Variants in PDE8B observed in about 807,000 individuals in gnomAD.
PDE8B encodes phosphodiesterase 8B, also known as high affinity cAMP-specific and IBMX-insensitive 3',5'-cyclic phosphodiesterase 8B.
In PDE8B, 26 loss-of-function variants were observed where a neutral mutation model predicts 101.3. That is an observed-to-expected ratio of 0.26 (90% CI 0.19 to 0.36). The LOEUF (loss-of-function observed/expected upper bound fraction) is 0.36. PDE8B is among the 10% of genes least tolerant of loss of function. The pLI is 1.00. For synonymous variants in PDE8B, 424 were observed against 429.3 expected, an observed-to-expected ratio of 0.99 and a Z score of 0.15; for missense variants, 810 against 1,163.1, an observed-to-expected ratio of 0.70 and a Z score of 4.42.
At position 77,312,099 on chromosome 5, in the gene PDE8B, T is replaced by C. The variant is rs532912270; in HGVS notation, c.399+46T>C. On this transcript the variant is annotated intron_variant, in intron 2 of 21. Coordinates refer to ENST00000264917, the MANE Select transcript of PDE8B (RefSeq NM_003719.5). The stretch of plus-strand genomic sequence containing the variant: ...CCTGTGACTCAGATTATTTTCTTTT[T>C]TTTTTCTTTTTTTTTTTTTTTTGAG... The C allele has an allele frequency of 1.2e-5, 16 of 1,303,360 alleles. No homozygotes were observed. The South Asian group carries it at 1.7e-4, about 14-fold the overall frequency. The allele number at this position is 1,303,360 out of a possible 1,614,324, so 80.7% of individuals were successfully genotyped here.
At chr5:77,114,630 G>C in the PDE8B span, 1 of 152,104 alleles carries the variant, frequency 6.6e-6, no homozygotes, top group African/African-American at 2.4e-5. Flanking sequence ...CCTGCACGTT[G>C]TGCACATGTA....
At chr5:77,299,238 G>T (rs922290774) in intron 1 of PDE8B, among the ~76,000 whole-genome samples, 1 of 131,726 alleles carries the variant, frequency 7.6e-6, no homozygotes, top group Non-Finnish European at 1.6e-5. Flanking sequence ...CATGAGAGTT[G>T]TTTTTTTGTT....
the PDE8B span, among the ~76,000 whole-genome samples, chr5:77,179,570 T>A: frequency 4.6e-5 from 7 of 152,316 alleles, no homozygotes; most frequent in East Asian, 1.4e-3. Context: ...CTTCATAGTG[T>A]CTGCTTAGAC....
At chr5:77,113,611 T>G in the PDE8B span, 1 of 152,222 alleles carries the variant, frequency 6.6e-6, no homozygotes, top group Non-Finnish European at 1.5e-5. Flanking sequence ...GGGCAAAGAC[T>G]TCATGACTAC....
chr5:77,311,665 T>A (rs1772651466), intron 1 of PDE8B, among the ~76,000 whole-genome samples: 1 of 152,242 alleles, frequency 6.6e-6, no homozygotes, highest in Non-Finnish European at 1.5e-5. Context: ...ATTATTGAAT[T>A]GAATTCTTTT....
At position 77,418,398 on chromosome 5, in the gene PDE8B, A is replaced by G. The variant is rs1281688469; in HGVS notation, c.2081A>G (p.Gln694Arg). 2 of 1,614,166 alleles carry G rather than the reference A, an allele frequency of 1.2e-6. No homozygotes were observed. The highest frequency in any genetic ancestry group is 1.1e-5 in the South Asian group (1 of 91,086). Reference sequence around the variant, plus strand: ...AGTCACCACACCGCCCTGGCCTTCCAGCTCACGGTCAAGGACACCAAATGC... The same window carrying G: ...AGTCACCACACCGCCCTGGCCTTCCGGCTCACGGTCAAGGACACCAAATGC... ...LESHHTALAF[Q>R]LTVKDTKCNI... is the part of the protein sequence containing the mutation. The change falls in exon 18 of 22, where the codon CAG (glutamine) becomes CGG (arginine). Residue 694 changes from glutamine to arginine, a missense_variant. Gln to Arg is a conservative substitution (Grantham distance 43). Around this residue, in one of 4 missense-constraint regions of PDE8B, gnomAD observed 325 missense variants for 560.9 expected, o/e 0.58. Coordinates refer to ENST00000264917, the MANE Select transcript of PDE8B (RefSeq NM_003719.5).
chr5:77,223,308 T>G (rs1325179220), intron 1 of PDE8B, among the ~76,000 whole-genome samples: 6 of 151,066 alleles, frequency 4.0e-5, no homozygotes, highest in East Asian at 1.9e-4. Flanking sequence ...TACGTATACA[T>G]GTGCCATGCT....
intron 5 of PDE8B, among the ~76,000 whole-genome samples, chr5:77,332,837 CAAAA>C (rs35330679): frequency 3.9e-4 from 42 of 108,964 alleles, no homozygotes; most frequent in South Asian, 6.5e-4. Context: ...AACTCCGTCT[CAAAA>C]AAAAAAAAAA....
chr5:77,169,203 T>G, the PDE8B span, among the ~76,000 whole-genome samples: 2 of 152,184 alleles, frequency 1.3e-5, no homozygotes, highest in African/African-American at 4.8e-5. Context: ...ACAAAGTGTT[T>G]CCCGTAGCAC....
At chr5:77,316,698 G>A (rs1773835054) in intron 2 of PDE8B, among the ~76,000 whole-genome samples, 1 of 152,138 alleles carries the variant, frequency 6.6e-6, no homozygotes, top group Admixed American at 6.5e-5. Context: ...AAATTTGAAT[G>A]TATTATATGT....
intron 3 of PDE8B, among the ~76,000 whole-genome samples, chr5:77,327,453 A>AGCCTCTT (rs1776253901): frequency 6.6e-6 from 1 of 152,212 alleles, no homozygotes; most frequent in South Asian, 2.1e-4. Context: ...TACATGTTTC[A>AGCCTCTT]GCCTCTTGCC....
At chr5:77,184,376 A>G in the PDE8B span, among the ~76,000 whole-genome samples, 1 of 152,186 alleles carries the variant, frequency 6.6e-6, no homozygotes, top group Non-Finnish European at 1.5e-5. Context: ...TTGATAAATC[A>G]TTTAATCTGA....
chr5:77,248,295 T>C lies in PDE8B; in HGVS notation c.339+37031T>C, dbSNP rs893472320. 2.6e-5 allele frequency among the ~76,000 whole-genome samples: 4 copies of C among 152,276 alleles called. No individual in the cohort carries two copies. In the South Asian group the frequency reaches 8.3e-4, roughly 32 times the overall value. On this transcript the variant is annotated intron_variant, in intron 1 of 21. Transcript: ENST00000264917. ...GCTCATGGGAAGTACCCAACTAATA[T>C]GGGTGGAAGTCATAGCAAATATTGT...
intron 9 of PDE8B, among the ~76,000 whole-genome samples, chr5:77,352,154 C>T (rs1389739753): frequency 2.6e-5 from 4 of 152,172 alleles, no homozygotes; most frequent in African/African-American, 4.8e-5. Context: ...GGCCCCTGAC[C>T]GAGGTTGTGA....
chr5:77,361,465 AC>A (rs1337103470), intron 10 of PDE8B, among the ~76,000 whole-genome samples: 1 of 152,150 alleles, frequency 6.6e-6, no homozygotes, highest in Non-Finnish European at 1.5e-5. Flanking sequence ...CACATCACTG[AC>A]AAATGAGTGA....
chr5:77,331,613 G>GT (rs1777145641), intron 5 of PDE8B, 154 bp downstream of exon 5: 5 of 715,512 alleles, frequency 7.0e-6, no homozygotes, highest in Non-Finnish European at 1.3e-5. Flanking sequence ...TCATGGGAAA[G>GT]TAACGAGCAG....
intron 8 of PDE8B, among the ~76,000 whole-genome samples, chr5:77,350,475 G>A (rs895857754): frequency 1.3e-5 from 2 of 152,060 alleles, no homozygotes; most frequent in African/African-American, 4.8e-5. Flanking sequence ...TTTCTGATTA[G>A]CCAAACCTCC....
chr5:77,167,606 C>A, the PDE8B span, among the ~76,000 whole-genome samples: 5 of 152,272 alleles, frequency 3.3e-5, no homozygotes, highest in South Asian at 1.0e-3. Context: ...CGCGGCTGCT[C>A]CCTCCTGCAT....
intron 10 of PDE8B, among the ~76,000 whole-genome samples, chr5:77,366,594 G>A (rs531714853): frequency 1.7e-4 from 26 of 152,244 alleles, no homozygotes; most frequent in South Asian, 1.7e-3. Flanking sequence ...GAACCTTGGC[G>A]CCTATGCTTG....
Sources: allele counts gnomAD v4.1 joint callset (sites outside exome capture counted in the v4.1 genomes callset), GRCh38; gene constraint gnomAD v4.1.1; regional missense constraint gnomAD v4.1.1; transcripts MANE v1.5; gene names NCBI Gene and HGNC (gene_info 2026-07-23, HGNC 2026-07-21).